The following MRO variants were observed in gnomAD, a reference collection of about 807,000 sequenced individuals.
MRO encodes maestro.
In MRO, 28 loss-of-function variants were observed where a neutral mutation model predicts 31.0. That is an observed-to-expected ratio of 0.90 (90% CI 0.67 to 1.24). The LOEUF is 1.24. Ranked by LOEUF, MRO falls within the 50% of genes most tolerant of loss-of-function variation. The pLI, the probability that MRO is intolerant of heterozygous loss-of-function variation, is 0.00. For missense variants in MRO, 332 were observed against 289.2 expected (o/e 1.15, Z -1.07); for synonymous variants, 108 against 108.4 (o/e 1.00, Z 0.02).
intron 3 of MRO, among the ~76,000 whole-genome samples, chr18:50,807,110 A>C (rs557502327): frequency 6.6e-6 from 1 of 152,292 alleles, no homozygotes; most frequent in Admixed American, 6.5e-5. Flanking sequence ...GAGAGGCTCT[A>C]GAGCAGCTAT....
At position 50,801,425 on chromosome 18, in the gene MRO, A is replaced by C; in HGVS notation, c.509T>G (p.Phe170Cys). Residue 170 changes from phenylalanine (F) to cysteine (C), a missense_variant, in exon 6 of 8, where the codon TTT (phenylalanine) becomes TGT (cysteine). Physicochemically the swap from Phe to Cys is radical, Grantham distance 205. Coordinates refer to ENST00000398439, the MANE Select transcript of MRO (RefSeq NM_031939.6). ...AAFAGRKWKK[F>C]FTSQVKQTRD... ...TGTCTGCTTAACCTGACTGGTGAAA[A>C]ATTTTTTCCATTTCCTCCCGGCAAA... 1 of 1,611,816 alleles carries C rather than the reference A, an allele frequency of 6.2e-7. No individual in the cohort carries two copies. Among genetic ancestry groups the C allele is most frequent in the East Asian group, 2.2e-5 (1 of 44,830 alleles).
upstream of MRO, among the ~76,000 whole-genome samples, chr18:50,820,277 G>C (rs908674127): frequency 1.3e-5 from 2 of 152,162 alleles, no homozygotes; most frequent in Admixed American, 6.5e-5. Context: ...GTCCCTTCCT[G>C]CTCAAGAAAC....
Position 50,819,907 on chromosome 18 carries a change from C to G in MRO, c.-137G>C. The G allele has an allele frequency of 1.3e-6, 2 of 1,551,650 alleles. No homozygotes were observed. The highest frequency in any genetic ancestry group is 1.7e-6 in the Non-Finnish European group (2 of 1,146,918). ...AGCATGACTTGCTACCTTTGCTTCC[C>G]CACGCCATGCTGAGGTGTTTTTCCT... On this transcript the variant is annotated 5_prime_UTR_variant, in exon 1 of 8. Coordinates refer to ENST00000398439, the MANE Select transcript of MRO (RefSeq NM_031939.6).
intron 6 of MRO, 26 bp downstream of exon 6, chr18:50,801,323 T>C: frequency 1.3e-6 from 2 of 1,535,558 alleles, no homozygotes; most frequent in Non-Finnish European, 1.8e-6. Context: ...GATGTCACTC[T>C]GTTGGTTGCA....
intron 5 of MRO, among the ~76,000 whole-genome samples, 164 bp from the exon 6 acceptor site, chr18:50,801,668 T>G (rs1913342375): frequency 6.6e-6 from 1 of 151,842 alleles, no homozygotes; most frequent in Non-Finnish European, 1.5e-5. Context: ...TGGTGAGATC[T>G]GGTCTAAAGC....
Position 50,819,957 on chromosome 18 carries a change from T to G in MRO, c.-187A>C, listed in dbSNP as rs1207142365. 1 of 1,551,628 alleles carries G rather than the reference T, an allele frequency of 6.4e-7. No individual in the cohort carries two copies. The highest frequency in any genetic ancestry group is 8.7e-7 in the Non-Finnish European group (1 of 1,146,968). ...TTCTCCTTGCTGTGATTTCCCCTCC[T>G]TCTTCCCTCATGCCAGCCTGGTCGA... On this transcript the variant is annotated 5_prime_UTR_variant, in exon 1 of 8. Transcript: ENST00000398439.
chr18:50,798,279 TAAA>T lies in MRO; in HGVS notation c.*1055_*1057del, dbSNP rs1912957157. On this transcript the variant is annotated 3_prime_UTR_variant, in exon 8 of 8. Coordinates refer to ENST00000398439, the MANE Select transcript of MRO (RefSeq NM_031939.6). ...ACATTAATAGCCAAAAAGTAATTAA[TAAA>T]AACACTCAGCTCACATAAATTAATA... 6.6e-6 allele frequency: 1 copy of T among 152,144 alleles called. No individual in the cohort carries two copies. Among genetic ancestry groups the T allele is most frequent in the South Asian group, 2.1e-4 (1 of 4,832 alleles). 9.4% of individuals were successfully genotyped at this position (152,144 alleles called of 1,614,324 possible). A position where few individuals can be genotyped will look rare whatever the true frequency, so the allele number is the denominator to read the frequency against.
chr18:50,807,767 C>G (rs1238326029), intron 3 of MRO, among the ~76,000 whole-genome samples: 1 of 152,206 alleles, frequency 6.6e-6, no homozygotes, highest in African/African-American at 2.4e-5. Context: ...TTGGGGAACA[C>G]TGTGTGTCTG....
intron 2 of MRO, among the ~76,000 whole-genome samples, chr18:50,809,838 G>A (rs1272001405): frequency 2.0e-5 from 3 of 152,162 alleles, no homozygotes; most frequent in South Asian, 2.1e-4. Flanking sequence ...TAAAGCACAC[G>A]TAATAGGCAA....
rs1115081 is a variant in MRO at position 50,811,993 on chromosome 18, C to T, written c.-4-2589G>A. On this transcript the variant is annotated intron_variant, in intron 2 of 7. Coordinates refer to ENST00000398439, the MANE Select transcript of MRO (RefSeq NM_031939.6). The stretch of plus-strand genomic sequence containing the variant: ...CTGACCTCAAGTGATCTGCCTACCT[C>T]AGCCTCCCAAGTGTCAGGATTACAG... 8.4e-3 allele frequency among the ~76,000 whole-genome samples: 1,273 copies of T among 152,254 alleles called. 7 individuals carry two copies. The highest frequency in any genetic ancestry group is 0.02 in the South Asian group (96 of 4,826).
chr18:50,821,301 A>G (rs575801527), upstream of MRO, among the ~76,000 whole-genome samples: 137 of 152,306 alleles, frequency 9.0e-4, 1 homozygote, highest in South Asian at 0.027. Context: ...GAGGAGGAAG[A>G]AAGATGGCTG....
upstream of MRO, among the ~76,000 whole-genome samples, chr18:50,823,026 G>T (rs1011282319): frequency 1.3e-5 from 2 of 152,134 alleles, no homozygotes; most frequent in Non-Finnish European, 2.9e-5. Context: ...AAAACCCTTT[G>T]TAGAGGATGG....
chr18:50,797,951 C>T lies in MRO; in HGVS notation c.*1386G>A, dbSNP rs1210634163. On this transcript the variant is annotated 3_prime_UTR_variant, in exon 8 of 8. Coordinates refer to ENST00000398439, the MANE Select transcript of MRO (RefSeq NM_031939.6). ...CATCTCGCCTAGGTCTCTCCTCATC[C>T]CCGCATCTGTGTCACACCACCCTGT... The T allele has an allele frequency of 6.6e-6, 1 of 152,478 alleles. No homozygotes were observed. Among genetic ancestry groups the T allele is most frequent in the Non-Finnish European group, 1.5e-5 (1 of 68,070 alleles). 9.4% of individuals were successfully genotyped at this position (152,478 alleles called of 1,614,324 possible).
chr18:50,822,483 G>A (rs900063926), upstream of MRO, among the ~76,000 whole-genome samples: 2 of 151,980 alleles, frequency 1.3e-5, no homozygotes, highest in East Asian at 1.9e-4. Flanking sequence ...GACTACAGGC[G>A]CCTGCCACCA....
chr18:50,807,853 G>A (rs1488078729), intron 3 of MRO, among the ~76,000 whole-genome samples: 3 of 152,114 alleles, frequency 2.0e-5, no homozygotes, highest in South Asian at 2.1e-4. Context: ...CGAGGCAGGC[G>A]GATCGCCTGA....
At position 50,801,605 on chromosome 18, in the gene MRO, G is replaced by A. The variant is rs752909518; in HGVS notation, c.430-101C>T. Reference sequence around the variant, plus strand: ...CCATCGGTCAGAACACATCACAGCCGTCAATCAGAACACATCACAGCCATC... The same window carrying A: ...CCATCGGTCAGAACACATCACAGCCATCAATCAGAACACATCACAGCCATC... On this transcript the variant is annotated intron_variant, in intron 5 of 7. Transcript: ENST00000398439. 1.1e-4 allele frequency: 121 copies of A among 1,120,946 alleles called. 1 individual carries two copies. Among genetic ancestry groups the A allele is most frequent in the South Asian group, 4.7e-4 (29 of 62,322 alleles). 69.4% of individuals were successfully genotyped at this position (1,120,946 alleles called of 1,614,324 possible).
At chr18:50,817,996 C>CA (rs978754410) in intron 2 of MRO, among the ~76,000 whole-genome samples, 1 of 124,830 alleles carries the variant, frequency 8.0e-6, no homozygotes, top group Admixed American at 8.3e-5. Flanking sequence ...GAACTCCCAC[C>CA]CCCCGCCCCA....
chr18:50,806,964 T>C (rs1467585800), intron 3 of MRO, 114 bp from the exon 4 acceptor site: 7 of 1,042,588 alleles, frequency 6.7e-6, no homozygotes, highest in Non-Finnish European at 1.4e-6. Flanking sequence ...ATTTTACCCC[T>C]TCTTTCTCCT....
chr18:50,801,190 C>T (rs1294377602), intron 6 of MRO, among the ~76,000 whole-genome samples, 159 bp downstream of exon 6: 1 of 152,170 alleles, frequency 6.6e-6, no homozygotes, highest in African/African-American at 2.4e-5. Context: ...AGAGAGATTA[C>T]ACACCAAAGA....
Sources: allele counts gnomAD v4.1 joint callset (sites outside exome capture counted in the v4.1 genomes callset), GRCh38; gene constraint gnomAD v4.1.1; transcripts MANE v1.5; gene names NCBI Gene and HGNC (gene_info 2026-07-23, HGNC 2026-07-21).